Variants in DCC observed in about 807,000 individuals in gnomAD.
DCC encodes netrin receptor DCC.
DCC carries 58 observed loss-of-function variants against 172.5 expected under a neutral mutation model. That is an observed-to-expected ratio of 0.34 (90% CI 0.27 to 0.42). The LOEUF (loss-of-function observed/expected upper bound fraction) is 0.42, where lower values mean the gene tolerates loss of function less well. DCC is among the 10% of genes least tolerant of loss of function. DCC has a pLI of 1.00. For synonymous variants in DCC, 709 were observed against 644.5 expected (o/e 1.10, Z -1.52); for missense variants, 1,740 against 1,791.0 (o/e 0.97, Z 0.51).
At chr18:52,754,619 G>A (rs1250361945) in intron 2 of DCC, among the ~76,000 whole-genome samples, 2 of 152,196 alleles carry the variant, frequency 1.3e-5, no homozygotes, top group Non-Finnish European at 2.9e-5. Flanking sequence ...AGAAATCAAT[G>A]TCTGTTGTTT....
At chr18:53,226,914 C>CTGTGTGTGTGTG (rs35341474) in intron 12 of DCC, among the ~76,000 whole-genome samples, 6 of 103,672 alleles carry the variant, frequency 5.8e-5, no homozygotes, top group African/African-American at 2.4e-4. Flanking sequence ...AATAGTGTAA[C>CTGTGTGTGTGTG]TGTGTGTGTG....
At chr18:52,764,693 A>G (rs2037215740) in intron 2 of DCC, among the ~76,000 whole-genome samples, 1 of 152,210 alleles carries the variant, frequency 6.6e-6, no homozygotes, top group African/African-American at 2.4e-5. Context: ...ACAGCTTTCA[A>G]AACCGAAAGC....
intron 2 of DCC, among the ~76,000 whole-genome samples, chr18:52,831,884 A>G (rs995568796): frequency 3.9e-5 from 6 of 152,120 alleles, no homozygotes; most frequent in Non-Finnish European, 8.8e-5. Context: ...GGGCAGCATG[A>G]GGTCTATAAA....
chr18:52,528,100 G>T (rs2032037758), intron 1 of DCC, among the ~76,000 whole-genome samples: 1 of 152,148 alleles, frequency 6.6e-6, no homozygotes, highest in African/African-American at 2.4e-5. Flanking sequence ...GGGCACACAT[G>T]GTTTAAAATT....
At chr18:53,291,667 T>C (rs544369601) in intron 12 of DCC, among the ~76,000 whole-genome samples, 3 of 152,324 alleles carry the variant, frequency 2.0e-5, no homozygotes, top group Admixed American at 1.3e-4. Context: ...GTCTAGTTCC[T>C]ACATCAAATA....
chr18:53,151,744 C>G (rs2054644676), intron 7 of DCC, among the ~76,000 whole-genome samples: 1 of 152,044 alleles, frequency 6.6e-6, no homozygotes, highest in Non-Finnish European at 1.5e-5. Flanking sequence ...ATAAAATCTA[C>G]ATTTCTTACT....
At chr18:52,643,948 C>T (rs2034959923) in intron 1 of DCC, among the ~76,000 whole-genome samples, 1 of 75,788 alleles carries the variant, frequency 1.3e-5, no homozygotes, top group Non-Finnish European at 2.8e-5. Flanking sequence ...TAGTCAAGAA[C>T]AGTATTTTGG....
intron 15 of DCC, among the ~76,000 whole-genome samples, chr18:53,344,996 A>C (rs1031270338): frequency 1.3e-5 from 2 of 151,820 alleles, no homozygotes; most frequent in Non-Finnish European, 1.5e-5. Flanking sequence ...CAGACCATAT[A>C]ATAGTCTCTG....
intron 22 of DCC, among the ~76,000 whole-genome samples, chr18:53,449,284 A>T (rs1006103309): frequency 2.0e-5 from 3 of 152,234 alleles, no homozygotes; most frequent in African/African-American, 7.2e-5. Context: ...GACATAGAAC[A>T]GAGTATTGCT....
chr18:52,818,780 AAC>A (rs1201631239), intron 2 of DCC, among the ~76,000 whole-genome samples: 1 of 152,230 alleles, frequency 6.6e-6, no homozygotes, highest in Non-Finnish European at 1.5e-5. Flanking sequence ...GGAAATGCAT[AAC>A]ACAGATAAAT....
intron 5 of DCC, among the ~76,000 whole-genome samples, chr18:52,929,378 T>C (rs2040268516): frequency 6.6e-6 from 1 of 151,868 alleles, no homozygotes; most frequent in Admixed American, 6.6e-5. Context: ...GAAACAGCTA[T>C]AAAAAAAAGC....
rs758044557 is a variant in DCC at position 52,358,261 on chromosome 18, C to CTTGAA, written c.91+17383_91+17384insTTGAA. ...TTCTTATACACACTTCACTTGAAAA[C>CTTGAA]CACTTGGCTGTGCATTGTCCGTAAA... On this transcript the variant is annotated intron_variant, in intron 1 of 28. Coordinates refer to ENST00000442544, the MANE Select transcript of DCC (RefSeq NM_005215.4). 6.6e-5 allele frequency among the ~76,000 whole-genome samples: 10 copies of CTTGAA among 152,284 alleles called. No individual in the cohort carries two copies. The South Asian group carries it at 2.1e-3, about 32-fold the overall frequency.
At chr18:53,138,032 TA>T (rs1277516497) in intron 7 of DCC, among the ~76,000 whole-genome samples, 4 of 151,916 alleles carry the variant, frequency 2.6e-5, no homozygotes, top group African/African-American at 9.7e-5. Context: ...GTTGCAATGT[TA>T]CCCAGGGTGG....
intron 7 of DCC, among the ~76,000 whole-genome samples, chr18:53,143,955 T>A (rs893601900): frequency 6.6e-6 from 1 of 152,234 alleles, no homozygotes; most frequent in Admixed American, 6.5e-5. Context: ...TTTATTATAC[T>A]GAAATAATTC....
chr18:52,519,739 C>T (rs1011994749), intron 1 of DCC, among the ~76,000 whole-genome samples: 1 of 152,172 alleles, frequency 6.6e-6, no homozygotes, highest in East Asian at 1.9e-4. Context: ...TAATGTGGAA[C>T]TGAGGATGGA....
intron 1 of DCC, among the ~76,000 whole-genome samples, chr18:52,396,678 T>C (rs1303062715): frequency 1.3e-5 from 2 of 152,056 alleles, no homozygotes; most frequent in African/African-American, 4.8e-5. Context: ...TATAGAAAAG[T>C]TTCAATAAAA....
At chr18:52,620,080 G>C (rs926226456) in intron 1 of DCC, among the ~76,000 whole-genome samples, 2 of 152,174 alleles carry the variant, frequency 1.3e-5, no homozygotes, top group Non-Finnish European at 2.9e-5. Flanking sequence ...AACCTCATTG[G>C]TTTTCAGATT....
chr18:53,493,787 T>G (rs1368293368), intron 26 of DCC, among the ~76,000 whole-genome samples: 1 of 152,300 alleles, frequency 6.6e-6, no homozygotes, highest in East Asian at 1.9e-4. Context: ...ATCTTAGTTA[T>G]TTCTTGTCTT....
At chr18:53,015,721 T>C (rs1454729910) in intron 5 of DCC, among the ~76,000 whole-genome samples, 1 of 152,120 alleles carries the variant, frequency 6.6e-6, no homozygotes, top group Non-Finnish European at 1.5e-5. Context: ...CTTTACCATA[T>C]GATGAACAAA....
Sources: gnomAD v4.1 joint callset for allele counts (sites outside exome capture counted in the v4.1 genomes callset) on GRCh38, gnomAD v4.1.1 for gene constraint, MANE v1.5 for transcripts, NCBI Gene and HGNC (gene_info 2026-07-23, HGNC 2026-07-21) for gene names.